The following TEF variants were observed in gnomAD, a reference collection of about 807,000 sequenced individuals.
The protein encoded by TEF is TEF transcription factor, PAR bZIP family member, also known as thyrotroph embryonic factor.
TEF carries 3 observed loss-of-function variants against 20.8 expected under a neutral mutation model. The ratio of observed to expected loss-of-function variants is 0.14; its 90% CI spans 0.07 to 0.37. The LOEUF (loss-of-function observed/expected upper bound fraction) is 0.37. TEF is among the 10% of genes least tolerant of loss of function. The pLI, the probability that TEF is intolerant of heterozygous loss-of-function variation, is 1.00. For synonymous variants in TEF, 180 were observed against 171.1 expected (o/e 1.05, Z -0.41); for missense variants, 296 against 397.9 (o/e 0.74, Z 2.18).
At chr22:41,381,518 C>T (rs947630533), upstream of TEF, among the ~76,000 whole-genome samples, 3 of 152,188 alleles carry the variant, frequency 2.0e-5, no homozygotes, top group South Asian at 2.1e-4. Flanking sequence ...CCGCTCCGAG[C>T]TCCGCCCCTC....
chr22:41,370,682 G>A (rs1844739282), intron 1 of TEF, among the ~76,000 whole-genome samples: 1 of 152,218 alleles, frequency 6.6e-6, no homozygotes, highest in Non-Finnish European at 1.5e-5. Context: ...AAAGTGCTGG[G>A]ATTACAGGCG....
rs547780151 is a variant in TEF, at chr22:41,387,278, A to G, written c.158-73A>G. The G allele has an allele frequency of 2.6e-4, 396 of 1,528,158 alleles. 6 individuals are homozygous for G. In the South Asian group the frequency reaches 4.5e-3, roughly 17 times the overall value. 94.7% of individuals were successfully genotyped at this position (1,528,158 alleles called of 1,614,324 possible). A position where few individuals can be genotyped will look rare whatever the true frequency, so the allele number is the denominator to read the frequency against. Reference sequence around the variant, plus strand: ...CTGAGAAAGATGGGCCAGGCCTGTGAGGCTCACTGCCCACTTCCTGGGATT... The same window carrying G: ...CTGAGAAAGATGGGCCAGGCCTGTGGGGCTCACTGCCCACTTCCTGGGATT... On this transcript the variant is annotated intron_variant, in intron 1 of 3. Coordinates refer to ENST00000266304, the MANE Select transcript of TEF (RefSeq NM_003216.4).
chr22:41,382,001 G>C lies in TEF; in HGVS notation c.-44G>C, dbSNP rs1160539382. On this transcript the variant is annotated 5_prime_UTR_variant, in exon 1 of 4. Transcript: ENST00000266304. Reference sequence around the variant, plus strand: ...CGCACGGCTCCGGCCCATCTCGGGGGGCGGGCGGGGGAGGCGAGGTGCGCG... The same window carrying C: ...CGCACGGCTCCGGCCCATCTCGGGGCGCGGGCGGGGGAGGCGAGGTGCGCG... The C allele has an allele frequency of 1.6e-6, 2 of 1,229,710 alleles. No individual in the cohort carries two copies. Among genetic ancestry groups the C allele is most frequent in the African/African-American group, 1.6e-5 (1 of 64,282 alleles). The allele number at this position is 1,229,710 out of a possible 1,614,324, so 76.2% of individuals were successfully genotyped here.
At position 41,395,999 on chromosome 22, in the gene TEF, C is replaced by T. The variant is rs952557049; in HGVS notation, c.*39C>T. The T allele has an allele frequency of 4.4e-6, 7 of 1,585,858 alleles. No homozygotes were observed. The highest frequency in any genetic ancestry group is 6.0e-6 in the Non-Finnish European group (7 of 1,160,014). ...CCCGGGCGGGGTACTGCCTGCACCT[C>T]AGACCTCTGCCTGGGGGCTCCCTGT... On this transcript the variant is annotated 3_prime_UTR_variant, in exon 4 of 4. Coordinates refer to ENST00000266304, the MANE Select transcript of TEF (RefSeq NM_003216.4).
Position 41,397,052 on chromosome 22 carries a change from G to T in TEF, c.*1092G>T, listed in dbSNP as rs117000867. ...TCTCCCTGGGGGCAGCTGGGGCCTC[G>T]CAATTCTTGCTTCAGGATCTCTCCC... is the stretch of plus-strand genomic sequence containing the variant. On this transcript the variant is annotated 3_prime_UTR_variant, in exon 4 of 4. Coordinates refer to ENST00000266304, the MANE Select transcript of TEF (RefSeq NM_003216.4). The T allele has an allele frequency of 3.8e-4, 150 of 398,826 alleles. 1 individual carries two copies. In the East Asian group the frequency reaches 5.1e-3, roughly 13 times the overall value. 24.7% of individuals were successfully genotyped at this position (398,826 alleles called of 1,614,324 possible). A position where few individuals can be genotyped will look rare whatever the true frequency, so the allele number is the denominator to read the frequency against.
At chr22:41,378,952 G>A (rs940271719), upstream of TEF, among the ~76,000 whole-genome samples, 1 of 152,218 alleles carries the variant, frequency 6.6e-6, no homozygotes, top group African/African-American at 2.4e-5. Flanking sequence ...TAACCTCTGG[G>A]ATAATGGATA....
intron 2 of TEF, 137 bp from the exon 3 acceptor site, chr22:41,393,959 G>C (rs556008455): frequency 1.5e-6 from 1 of 661,336 alleles, no homozygotes; most frequent in East Asian, 2.7e-5. Flanking sequence ...TTAGGGGCTG[G>C]TACTGTTGGG....
chr22:41,375,077 A>G (rs1342431313), intron 1 of TEF, among the ~76,000 whole-genome samples: 1 of 152,302 alleles, frequency 6.6e-6, no homozygotes, highest in East Asian at 1.9e-4. Context: ...AACCGTGGCT[A>G]TCTGGTAGTG....
intron 3 of TEF, among the ~76,000 whole-genome samples, chr22:41,395,365 C>T (rs1424731485): frequency 2.0e-5 from 3 of 152,126 alleles, no homozygotes; most frequent in African/African-American, 7.2e-5. Flanking sequence ...AGTACTTGCA[C>T]AGTTTCACTG....
In TEF at chr22:41,381,975, T is replaced by C; in HGVS notation, c.-70T>C. 1 of 1,224,444 alleles carries C rather than the reference T, an allele frequency of 8.2e-7. No homozygotes were observed. The highest frequency in any genetic ancestry group is 1.0e-6 in the Non-Finnish European group (1 of 984,838). 75.8% of individuals were successfully genotyped at this position (1,224,444 alleles called of 1,614,324 possible). A position where few individuals can be genotyped will look rare whatever the true frequency, so the allele number is the denominator to read the frequency against. On this transcript the variant is annotated 5_prime_UTR_variant, in exon 1 of 4. Transcript: ENST00000266304. Reference sequence around the variant, plus strand: ...TGCCCGTGTCGGCAGCTGCAGCGGGTCGCACGGCTCCGGCCCATCTCGGGG... The same window carrying C: ...TGCCCGTGTCGGCAGCTGCAGCGGGCCGCACGGCTCCGGCCCATCTCGGGG...
At chr22:41,390,215 A>G (rs2037149030) in intron 2 of TEF, among the ~76,000 whole-genome samples, 1 of 152,042 alleles carries the variant, frequency 6.6e-6, no homozygotes, top group African/African-American at 2.4e-5. Flanking sequence ...TGGTAAATAT[A>G]TATATGCGTT....
At chr22:41,381,286 A>G (rs576721885), upstream of TEF, among the ~76,000 whole-genome samples, 1 of 152,248 alleles carries the variant, frequency 6.6e-6, no homozygotes, top group East Asian at 1.9e-4. Flanking sequence ...CAGAACAAAA[A>G]GACCCGTCCC....
At chr22:41,384,206 T>C (rs1024187438) in intron 1 of TEF, among the ~76,000 whole-genome samples, 3 of 152,206 alleles carry the variant, frequency 2.0e-5, no homozygotes, top group Non-Finnish European at 4.4e-5. Flanking sequence ...AGTTCAAAAT[T>C]GTCTCCCTCA....
intron 2 of TEF, among the ~76,000 whole-genome samples, chr22:41,391,780 G>A (rs1209522650): frequency 2.6e-5 from 4 of 151,970 alleles, no homozygotes; most frequent in South Asian, 2.1e-4. Flanking sequence ...ATGCCATCAC[G>A]CCCAGCTAAT....
At chr22:41,369,844 C>T (rs1290040886) in intron 1 of TEF, 1 of 972,456 alleles carries the variant, frequency 1.0e-6, no homozygotes, top group Non-Finnish European at 1.2e-6. Context: ...TCCGCGTGCC[C>T]TTGCTTTGGT....
intron 1 of TEF, among the ~76,000 whole-genome samples, chr22:41,383,442 C>G (rs2037059760): frequency 6.6e-6 from 1 of 152,226 alleles, no homozygotes; most frequent in Non-Finnish European, 1.5e-5. Flanking sequence ...TAATAACCAT[C>G]CATAACAAGA....
At chr22:41,381,462 A>C (rs2037020908), upstream of TEF, among the ~76,000 whole-genome samples, 1 of 151,682 alleles carries the variant, frequency 6.6e-6, no homozygotes, top group South Asian at 2.1e-4. Context: ...GGGGGTGGAC[A>C]CGCCGCGCGA....
At chr22:41,377,003 T>G (rs1480515445), upstream of TEF, among the ~76,000 whole-genome samples, 1 of 152,056 alleles carries the variant, frequency 6.6e-6, no homozygotes, top group Non-Finnish European at 1.5e-5. Context: ...TGTTTCTTGT[T>G]TTTGGTTTTT....
chr22:41,372,335 C>G (rs1177736668), intron 1 of TEF, among the ~76,000 whole-genome samples: 1 of 152,034 alleles, frequency 6.6e-6, no homozygotes, highest in African/African-American at 2.4e-5. Context: ...GACGGCATGT[C>G]GAGGAGTGAT....
Sources: allele counts gnomAD v4.1 joint callset (sites outside exome capture counted in the v4.1 genomes callset), GRCh38; gene constraint gnomAD v4.1.1; transcripts MANE v1.5; gene names NCBI Gene and HGNC (gene_info 2026-07-23, HGNC 2026-07-21).